The following CPE variants were observed in gnomAD, a reference collection of about 807,000 sequenced individuals.
CPE encodes carboxypeptidase E.
In CPE, 17 loss-of-function variants were observed where a neutral mutation model predicts 53.5. The observed-to-expected ratio is 0.32, with a 90% CI of 0.22 to 0.48. The LOEUF is 0.48. CPE is among the 20% of genes least tolerant of loss of function. The pLI is 0.99. For synonymous variants in CPE, 226 were observed against 228.8 expected (o/e 0.99, Z 0.11); for missense variants, 524 against 614.7 (o/e 0.85, Z 1.56).
chr4:165,438,858 C>T (rs541044081), intron 1 of CPE, among the ~76,000 whole-genome samples: 54 of 152,200 alleles, frequency 3.5e-4, no homozygotes, highest in African/African-American at 1.1e-3. Context: ...AGAGTGCTTG[C>T]GCAAAGGATG....
Position 165,405,559 on chromosome 4 carries a change from C to T in CPE, c.307+26031C>T, listed in dbSNP as rs530416260. On this transcript the variant is annotated intron_variant, in intron 1 of 8. Coordinates refer to ENST00000402744, the MANE Select transcript of CPE (RefSeq NM_001873.4). ...TGACAAATGGAATAGTCATGGCATA[C>T]GCTGTTAATTTTTCCACTAATCCCT... The T allele has an allele frequency of 1.7e-4, 153 of 919,554 alleles. 3 individuals carry two copies. Among genetic ancestry groups the T allele is most frequent in the Admixed American group, 6.2e-4 (36 of 58,376 alleles). The allele number at this position is 919,554 out of a possible 1,614,324, so 57.0% of individuals were successfully genotyped here.
At chr4:165,413,642 A>G (rs112929442) in intron 1 of CPE, among the ~76,000 whole-genome samples, 33 of 152,300 alleles carry the variant, frequency 2.2e-4, no homozygotes, top group African/African-American at 7.9e-4. Context: ...TGCTTTGGAA[A>G]CTTTCCTGTG....
At chr4:165,490,040 G>A (rs1732573625) in intron 6 of CPE, among the ~76,000 whole-genome samples, 1 of 152,160 alleles carries the variant, frequency 6.6e-6, no homozygotes, top group Non-Finnish European at 1.5e-5. Flanking sequence ...AATCAGTGAG[G>A]GCTGCCAGAA....
At chr4:165,469,487 A>G (rs1732166387) in intron 3 of CPE, among the ~76,000 whole-genome samples, 1 of 152,058 alleles carries the variant, frequency 6.6e-6, no homozygotes, top group East Asian at 1.9e-4. Context: ...GTGCTCCTAA[A>G]CATACCATTT....
chr4:165,383,072 T>C (rs778566303), intron 1 of CPE, among the ~76,000 whole-genome samples: 3 of 152,200 alleles, frequency 2.0e-5, no homozygotes, highest in Non-Finnish European at 4.4e-5. Context: ...GGTCCTGTCA[T>C]TGGTCTCATC....
intron 3 of CPE, among the ~76,000 whole-genome samples, chr4:165,475,022 G>C (rs1732270168): frequency 6.6e-6 from 1 of 152,192 alleles, no homozygotes; most frequent in Non-Finnish European, 1.5e-5. Flanking sequence ...GAGGCTATGG[G>C]AGGAAGTGAG....
intron 3 of CPE, among the ~76,000 whole-genome samples, chr4:165,470,469 G>A (rs1026165225): frequency 9.9e-5 from 15 of 152,130 alleles, no homozygotes; most frequent in African/African-American, 2.4e-4. Flanking sequence ...CAGTTAATCC[G>A]TGCCATTTTG....
chr4:165,439,854 A>G (rs1021259949), intron 1 of CPE, among the ~76,000 whole-genome samples: 1 of 152,168 alleles, frequency 6.6e-6, no homozygotes, highest in African/African-American at 2.4e-5. Context: ...TGTTGAGGCA[A>G]TCAAGGAACC....
intron 7 of CPE, among the ~76,000 whole-genome samples, chr4:165,494,679 G>A (rs1342136956): frequency 6.6e-6 from 1 of 152,166 alleles, no homozygotes; most frequent in Admixed American, 6.5e-5. Context: ...CTGAGATTGA[G>A]AACATGAACA....
chr4:165,456,468 CAAAA>C (rs1464731279), intron 1 of CPE, among the ~76,000 whole-genome samples: 1 of 152,058 alleles, frequency 6.6e-6, no homozygotes, highest in Admixed American at 6.6e-5. Context: ...TGAAATGAAA[CAAAA>C]AGAAAAGTAA....
At chr4:165,483,202 G>C (rs902829585) in intron 4 of CPE, among the ~76,000 whole-genome samples, 6 of 151,926 alleles carry the variant, frequency 3.9e-5, no homozygotes, top group African/African-American at 1.2e-4. Flanking sequence ...TAATGTCCAG[G>C]TACACCCATT....
intron 6 of CPE, among the ~76,000 whole-genome samples, chr4:165,490,490 G>T (rs766971930): frequency 7.9e-5 from 12 of 151,724 alleles, no homozygotes; most frequent in Non-Finnish European, 1.5e-4. Flanking sequence ...AAAATTAGCC[G>T]GGCGTGGTGG....
intron 1 of CPE, among the ~76,000 whole-genome samples, chr4:165,443,428 C>G (rs376959101): frequency 6.6e-6 from 1 of 152,160 alleles, no homozygotes; most frequent in African/African-American, 2.4e-5. Context: ...CAAAATACCA[C>G]AGACTGGGTA....
Position 165,484,409 on chromosome 4 carries a change from A to T in CPE, c.791-13A>T. 6.2e-7 allele frequency: 1 copy of T among 1,609,888 alleles called. No individual in the cohort carries two copies. On this transcript the variant is annotated splice_polypyrimidine_tract_variant and intron_variant, in intron 4 of 8. Transcript: ENST00000402744. The stretch of plus-strand genomic sequence containing the variant: ...TGTGTCTGTTTCTTTAATCTTGTGG[A>T]TTTGTTTTCTAGGTAGTGCTCACGA...
chr4:165,399,531 C>A (rs572885388), intron 1 of CPE, among the ~76,000 whole-genome samples: 1 of 152,246 alleles, frequency 6.6e-6, no homozygotes, highest in African/African-American at 2.4e-5. Context: ...GCTAACACAC[C>A]CAGCTAATTT....
intron 6 of CPE, among the ~76,000 whole-genome samples, chr4:165,488,234 A>G (rs1732542036): frequency 6.6e-6 from 1 of 152,220 alleles, no homozygotes; most frequent in African/African-American, 2.4e-5. Flanking sequence ...TCAGAGACAC[A>G]GAGAGGCTAG....
At chr4:165,405,253 C>T (rs568254453) in intron 1 of CPE, 12 of 876,140 alleles carry the variant, frequency 1.4e-5, no homozygotes, top group Non-Finnish European at 1.8e-5. Flanking sequence ...CTCCCATCAT[C>T]CCTGCACCAG....
At chr4:165,393,137 C>A (rs1418586607) in intron 1 of CPE, among the ~76,000 whole-genome samples, 3 of 151,890 alleles carry the variant, frequency 2.0e-5, no homozygotes, top group Non-Finnish European at 4.4e-5. Context: ...CTATGTAATT[C>A]AAAAACTATG....
chr4:165,495,468 A>G, intron 7 of CPE, 91 bp from the exon 8 acceptor site: 1 of 792,750 alleles, frequency 1.3e-6, no homozygotes, highest in South Asian at 1.9e-5. Context: ...GAACTGAGCT[A>G]GACTGGGTAT....
Sources: gnomAD v4.1 joint callset for allele counts (sites outside exome capture counted in the v4.1 genomes callset) on GRCh38, gnomAD v4.1.1 for gene constraint, MANE v1.5 for transcripts, NCBI Gene and HGNC (gene_info 2026-07-23, HGNC 2026-07-21) for gene names.